Variants in CNKSR3 observed in about 807,000 individuals in gnomAD.
CNKSR3 encodes CNKSR family member 3.
A neutral mutation model predicts 67.7 loss-of-function variants in CNKSR3; 36 were observed. That is an observed-to-expected ratio of 0.53 (90% confidence interval 0.41 to 0.70). CNKSR3 has a LOEUF of 0.70. Ranked by LOEUF, CNKSR3 falls within the 30% of genes least tolerant of loss-of-function variation. The pLI is 0.00. For missense variants in CNKSR3, 630 were observed against 695.2 expected (o/e 0.91, Z 1.05); for synonymous variants, 281 against 271.4 (o/e 1.04, Z -0.35).
chr6:154,449,576 C>T (rs1371302179), intron 2 of CNKSR3, among the ~76,000 whole-genome samples: 4 of 152,244 alleles, frequency 2.6e-5, no homozygotes, highest in African/African-American at 4.8e-5. Context: ...CCACCCGCCT[C>T]GGCCTCCCAG....
chr6:154,454,104 CAGAG>C (rs71021054), intron 1 of CNKSR3, among the ~76,000 whole-genome samples: 15,824 of 115,986 alleles, frequency 0.14, 1,368 homozygotes, highest in East Asian at 0.16. Flanking sequence ...CACACACACA[CAGAG>C]AGAGAGAGAG....
chr6:154,490,637 G>A (rs899287928), intron 1 of CNKSR3, among the ~76,000 whole-genome samples: 7 of 152,046 alleles, frequency 4.6e-5, no homozygotes, highest in African/African-American at 1.4e-4. Context: ...ACTTACAGAG[G>A]GGCTTGGTGA....
chr6:154,486,378 C>G (rs970733997), intron 1 of CNKSR3, among the ~76,000 whole-genome samples: 2 of 151,862 alleles, frequency 1.3e-5, no homozygotes, highest in South Asian at 2.1e-4. Flanking sequence ...TCATGGCAGC[C>G]TCCGCCTCCT....
intron 1 of CNKSR3, among the ~76,000 whole-genome samples, chr6:154,508,578 T>G (rs1435821006): frequency 6.6e-6 from 1 of 152,244 alleles, no homozygotes; most frequent in East Asian, 1.9e-4. Flanking sequence ...GCATCTTGAA[T>G]GGAGGAACAC....
Position 154,444,819 on chromosome 6 carries a change from G to C in CNKSR3, c.217-2529C>G, listed in dbSNP as rs556978584. 2.0e-4 allele frequency among the ~76,000 whole-genome samples: 30 copies of C among 151,956 alleles called. No homozygotes were observed. The South Asian group carries it at 5.6e-3, about 29-fold the overall frequency. Reference sequence around the variant, plus strand: ...ACGGGGTTTCACCATGTTGGCCAGGGTGGTCTCAATCTCCTGACCTCATGA... The same window carrying C: ...ACGGGGTTTCACCATGTTGGCCAGGCTGGTCTCAATCTCCTGACCTCATGA... On this transcript the variant is annotated intron_variant, in intron 2 of 12. Transcript: ENST00000607772.
Position 154,510,225 on chromosome 6 carries a change from C to G in CNKSR3, c.-111G>C, listed in dbSNP as rs1787188575. 2 of 1,276,726 alleles carry G rather than the reference C, an allele frequency of 1.6e-6. No homozygotes were observed. Among genetic ancestry groups the G allele is most frequent in the Middle Eastern group, 2.1e-4 (1 of 4,722 alleles). 79.1% of individuals were successfully genotyped at this position (1,276,726 alleles called of 1,614,324 possible). A position where few individuals can be genotyped will look rare whatever the true frequency, so the allele number is the denominator to read the frequency against. On this transcript the variant is annotated 5_prime_UTR_variant, in exon 1 of 13. Transcript: ENST00000607772. ...GCGCCCGCGGCTGCTCCCCTGCGCC[C>G]GAGCGACTCCGTCAAGACTGCATGG... is the stretch of plus-strand genomic sequence containing the variant.
At chr6:154,479,043 G>A (rs1786511226) in intron 1 of CNKSR3, among the ~76,000 whole-genome samples, 1 of 150,540 alleles carries the variant, frequency 6.6e-6, no homozygotes, top group Admixed American at 6.7e-5. Context: ...AAAAGGGGGA[G>A]GAACATATTC....
At chr6:154,430,826 G>A (rs6929931) in intron 5 of CNKSR3, among the ~76,000 whole-genome samples, 68,280 of 151,738 alleles carry the variant, frequency 0.45, 15,790 homozygotes, top group Non-Finnish European at 0.5. Flanking sequence ...CTCCTTTATG[G>A]CCACTGAAGA....
intron 1 of CNKSR3, among the ~76,000 whole-genome samples, chr6:154,462,385 T>C (rs888555242): frequency 2.0e-5 from 3 of 152,220 alleles, no homozygotes; most frequent in African/African-American, 7.2e-5. Flanking sequence ...TAATGGATCC[T>C]GCACATTTCA....
intron 2 of CNKSR3, among the ~76,000 whole-genome samples, chr6:154,445,228 A>G (rs1336462902): frequency 6.6e-6 from 1 of 152,174 alleles, no homozygotes; most frequent in Non-Finnish European, 1.5e-5. Context: ...TTTGAAAAAA[A>G]CTGAATTTCA....
intron 1 of CNKSR3, among the ~76,000 whole-genome samples, chr6:154,454,753 C>G (rs12215412): frequency 0.28 from 43,074 of 151,444 alleles, 6,437 homozygotes; most frequent in East Asian, 0.4. Context: ...AACTCCTGGG[C>G]TCAAGCTGTT....
chr6:154,437,539 A>T (rs1344158071), intron 4 of CNKSR3, among the ~76,000 whole-genome samples: 1 of 148,144 alleles, frequency 6.8e-6, no homozygotes, highest in African/African-American at 2.5e-5. Context: ...TTAGCCTCCC[A>T]AGTAGCTGGG....
chr6:154,449,990 G>T, intron 2 of CNKSR3, 105 bp downstream of exon 2: 2 of 1,062,896 alleles, frequency 1.9e-6, no homozygotes, highest in Non-Finnish European at 1.3e-6. Flanking sequence ...TTTTGATGGA[G>T]CATTAAGGAA....
Position 154,442,157 on chromosome 6 carries a change from G to A in CNKSR3, c.350C>T (p.Pro117Leu). 6.2e-7 allele frequency: 1 copy of A among 1,614,196 alleles called. No homozygotes were observed. Among genetic ancestry groups the A allele is most frequent in the Non-Finnish European group, 8.5e-7 (1 of 1,180,014 alleles). ...CACCACCGAGGTCAGGAACTCATTG[G>A]GGGCCTTGCGGGAGGTGTTGCCATC... ...AYDGNTSRKAPNEFLTSVVEL... is the reference protein window; with the variant it reads ...AYDGNTSRKALNEFLTSVVEL... The change falls in exon 3 of 13, where the codon CCC becomes CTC. Residue 117 changes from proline to leucine, a missense_variant. By Grantham distance (98) the Pro-to-Leu change is moderately conservative. This residue lies in a region of CNKSR3 where 189 missense variants were observed against 205.0 expected (regional missense o/e 0.92). Coordinates refer to ENST00000607772, the MANE Select transcript of CNKSR3 (RefSeq NM_173515.4).
chr6:154,419,819 C>T (rs1389817948), intron 9 of CNKSR3, among the ~76,000 whole-genome samples: 4 of 152,118 alleles, frequency 2.6e-5, no homozygotes, highest in African/African-American at 9.7e-5. Flanking sequence ...GTGGCTCACG[C>T]CTGTAATCCT....
chr6:154,471,908 T>C (rs1014227183), intron 1 of CNKSR3, among the ~76,000 whole-genome samples: 4 of 152,202 alleles, frequency 2.6e-5, no homozygotes, highest in African/African-American at 4.8e-5. Flanking sequence ...ATTCTCTACA[T>C]AGCCCATTAC....
intron 4 of CNKSR3, among the ~76,000 whole-genome samples, chr6:154,437,999 T>C (rs1785506641): frequency 6.6e-6 from 1 of 151,986 alleles, no homozygotes; most frequent in South Asian, 2.1e-4. Context: ...GGCACTGTGC[T>C]TTTCACATGT....
rs144361996 is a variant in CNKSR3, at chr6:154,440,796, G to C, written c.507+496C>G. Among the ~76,000 whole-genome samples the C allele has an allele frequency of 6.8e-3, 1,032 of 152,248 alleles. 10 individuals are homozygous for C. Among genetic ancestry groups the C allele is most frequent in the African/African-American group, 0.024 (979 of 41,534 alleles). The stretch of plus-strand genomic sequence containing the variant: ...TTGCCCTCTAGCCCTGACCCATTTG[G>C]ATGTAAATAATCAAGGAATAAACTG... On this transcript the variant is annotated intron_variant, in intron 4 of 12. Coordinates refer to ENST00000607772, the MANE Select transcript of CNKSR3 (RefSeq NM_173515.4).
At chr6:154,455,752 T>C (rs1785939843) in intron 1 of CNKSR3, among the ~76,000 whole-genome samples, 1 of 152,200 alleles carries the variant, frequency 6.6e-6, no homozygotes, top group African/African-American at 2.4e-5. Context: ...AATAAGCAAC[T>C]AAACTATTGA....
Sources: gnomAD v4.1 joint callset for allele counts (sites outside exome capture counted in the v4.1 genomes callset) on GRCh38, gnomAD v4.1.1 for gene constraint, gnomAD v4.1.1 regional missense constraint, MANE v1.5 for transcripts, NCBI Gene and HGNC (gene_info 2026-07-23, HGNC 2026-07-21) for gene names.